ZFHX3: variants seen among roughly 807,000 people sequenced by gnomAD.
The protein encoded by ZFHX3 is zinc finger homeobox protein 3.
In ZFHX3, 42 loss-of-function variants were observed where a neutral mutation model predicts 279.1. The ratio of observed to expected loss-of-function variants is 0.15; its 90% CI spans 0.12 to 0.19. The LOEUF is 0.19. Ranked by LOEUF, ZFHX3 falls within the 10% of genes least tolerant of loss-of-function variation. The pLI is 1.00. For synonymous variants in ZFHX3, 2,293 were observed against 1,957.8 expected, an observed-to-expected ratio of 1.17 and a Z score of -4.52; for missense variants, 4,981 against 4,754.0, an observed-to-expected ratio of 1.05 and a Z score of -1.40.
chr16:73,305,297 G>T (rs1182547043), intron 4 of ZFHX3, among the ~76,000 whole-genome samples: 2 of 152,084 alleles, frequency 1.3e-5, no homozygotes, highest in Non-Finnish European at 2.9e-5. Flanking sequence ...CAGATAAGAA[G>T]AAAGCCCAAG....
chr16:73,147,864 C>A, intron 5 of ZFHX3, among the ~76,000 whole-genome samples: 1 of 152,012 alleles, frequency 6.6e-6, no homozygotes, highest in South Asian at 2.1e-4. Flanking sequence ...AGAGCGAGAT[C>A]CTCTCCCAAA....
At chr16:73,158,642 C>T (rs945473484) in intron 5 of ZFHX3, among the ~76,000 whole-genome samples, 5 of 152,128 alleles carry the variant, frequency 3.3e-5, no homozygotes, top group East Asian at 1.9e-4. Context: ...GCAAAAAGCA[C>T]GAAGCTGGAG....
chr16:73,140,782 A>C (rs972078266), intron 6 of ZFHX3, among the ~76,000 whole-genome samples: 5 of 152,166 alleles, frequency 3.3e-5, no homozygotes, highest in African/African-American at 1.2e-4. Context: ...TGAACCCGGG[A>C]GGTGGAGGTT....
rs1206079713 is a variant in ZFHX3, at chr16:72,785,504, C to CTCTT, written c.*1656_*1659dup. 1 of 152,626 alleles carries CTCTT rather than the reference C, an allele frequency of 6.6e-6. No individual in the cohort carries two copies. The highest frequency in any genetic ancestry group is 1.5e-5 in the Non-Finnish European group (1 of 68,020). 9.5% of individuals were successfully genotyped at this position (152,626 alleles called of 1,614,324 possible). A position where few individuals can be genotyped will look rare whatever the true frequency, so the allele number is the denominator to read the frequency against. On this transcript the variant is annotated 3_prime_UTR_variant, in exon 10 of 10. Transcript: ENST00000268489. ...AACAACCTGGGAATCTTTTGTTTTTCTCTTTCTTTTATTAAACTAAGTCTT... is the reference window on the plus strand; with the variant it reads ...AACAACCTGGGAATCTTTTGTTTTTCTCTTTCTTTCTTTTATTAAACTAAGTCTT...
chr16:73,460,978 C>T (rs1043982826), intron 2 of ZFHX3, among the ~76,000 whole-genome samples: 1 of 152,318 alleles, frequency 6.6e-6, no homozygotes, highest in East Asian at 1.9e-4. Context: ...GAGCCAATTG[C>T]CTCTCTTCTC....
intron 1 of ZFHX3, chr16:72,973,802 G>A (rs1597039965): frequency 6.6e-6 from 1 of 152,222 alleles, no homozygotes; most frequent in African/African-American, 2.4e-5. Context: ...AACCTGGGAG[G>A]TGGAGGTTGC....
chr16:73,059,565 A>G (rs1299463837), exon 1 of ZFHX3: 1 of 69,614 alleles, frequency 1.4e-5, no homozygotes, highest in Non-Finnish European at 2.6e-5. Flanking sequence ...TCTCTCTCTA[A>G]GCAAACGCAG....
intron 1 of ZFHX3, among the ~76,000 whole-genome samples, chr16:73,708,847 G>A (rs547715917): frequency 6.6e-6 from 1 of 152,288 alleles, no homozygotes; most frequent in South Asian, 2.1e-4. Context: ...GGGAAAAGAT[G>A]AATGGGCTCT....
At chr16:73,127,285 A>T (rs556865390) in intron 7 of ZFHX3, 60 of 1,245,036 alleles carry the variant, frequency 4.8e-5, no homozygotes, top group Non-Finnish European at 6.0e-5. Context: ...GGAAACTGAC[A>T]GGCAGAGAAG....
intron 3 of ZFHX3, among the ~76,000 whole-genome samples, chr16:73,426,454 T>A (rs2017811539): frequency 6.6e-6 from 1 of 152,082 alleles, no homozygotes; most frequent in Non-Finnish European, 1.5e-5. Context: ...GGAAATCACA[T>A]TAATGGGGAT....
intron 3 of ZFHX3, among the ~76,000 whole-genome samples, chr16:73,336,817 T>C (rs2015922628): frequency 6.6e-6 from 1 of 152,158 alleles, no homozygotes; most frequent in Non-Finnish European, 1.5e-5. Context: ...TCCCCTGTAC[T>C]CTCAAGGGTC....
intron 2 of ZFHX3, among the ~76,000 whole-genome samples, chr16:73,661,335 C>T (rs2052782246): frequency 1.3e-5 from 2 of 152,188 alleles, no homozygotes; most frequent in Admixed American, 1.3e-4. Context: ...TAGAGCTTTG[C>T]AGAGTTAACT....
intron 7 of ZFHX3, among the ~76,000 whole-genome samples, chr16:73,100,855 C>T (rs1232193253): frequency 6.6e-6 from 1 of 152,136 alleles, no homozygotes; most frequent in Non-Finnish European, 1.5e-5. Context: ...TCTCGGCCTC[C>T]CAATGTGCTG....
chr16:73,514,124 T>A (rs1365746344), intron 2 of ZFHX3, among the ~76,000 whole-genome samples: 2 of 152,074 alleles, frequency 1.3e-5, no homozygotes, highest in Non-Finnish European at 2.9e-5. Flanking sequence ...GGCACGCACC[T>A]GTAGTCCCAG....
At chr16:73,598,951 C>G (rs539561598) in intron 2 of ZFHX3, among the ~76,000 whole-genome samples, 2 of 152,140 alleles carry the variant, frequency 1.3e-5, no homozygotes, top group East Asian at 1.9e-4. Flanking sequence ...TTAGTAGAGA[C>G]GGGGTTTCAC....
chr16:73,152,563 C>T (rs983415312), intron 5 of ZFHX3, among the ~76,000 whole-genome samples: 4 of 151,314 alleles, frequency 2.6e-5, no homozygotes, highest in Admixed American at 1.3e-4. Flanking sequence ...GGATTGCTGG[C>T]TCTTTTCACA....
chr16:73,769,636 A>T (rs1037574362), intron 1 of ZFHX3, among the ~76,000 whole-genome samples: 4 of 152,212 alleles, frequency 2.6e-5, no homozygotes, highest in African/African-American at 9.6e-5. Flanking sequence ...CTTAAAATGT[A>T]AAATGGGAAT....
intron 2 of ZFHX3, among the ~76,000 whole-genome samples, chr16:73,484,688 C>A (rs1171365121): frequency 6.6e-6 from 1 of 152,228 alleles, no homozygotes; most frequent in Admixed American, 6.5e-5. Context: ...AGCATTCTCT[C>A]CTTTAAAACA....
At chr16:72,855,324 C>CGT (rs1308884815) in intron 4 of ZFHX3, among the ~76,000 whole-genome samples, 1 of 152,162 alleles carries the variant, frequency 6.6e-6, no homozygotes, top group East Asian at 1.9e-4. Flanking sequence ...CGCGTGCACG[C>CGT]GTGTGAAACA....
Sources: gnomAD v4.1 joint callset for allele counts (sites outside exome capture counted in the v4.1 genomes callset) on GRCh38, gnomAD v4.1.1 for gene constraint, MANE v1.5 for transcripts, NCBI Gene and HGNC (gene_info 2026-07-23, HGNC 2026-07-21) for gene names.